ANKS1B: variants seen among roughly 807,000 people sequenced by gnomAD.
ANKS1B encodes ankyrin repeat and sterile alpha motif domain containing 1B.
ANKS1B carries 36 observed loss-of-function variants against 148.3 expected under a neutral mutation model. That is an observed-to-expected ratio of 0.24 (90% confidence interval 0.19 to 0.32). The LOEUF is 0.32. ANKS1B is among the 10% of genes least tolerant of loss of function. The probability of loss-of-function intolerance (pLI) is 1.00; values close to 1 mark genes in which losing one functional copy is unlikely to be tolerated. For missense variants in ANKS1B, 1,157 were observed against 1,542.6 expected, an observed-to-expected ratio of 0.75 and a Z score of 4.19; for synonymous variants, 542 against 560.8, an observed-to-expected ratio of 0.97 and a Z score of 0.47.
chr12:99,021,547 A>G (rs61933366), intron 17 of ANKS1B, among the ~76,000 whole-genome samples: 23,556 of 152,112 alleles, frequency 0.15, 2,072 homozygotes, highest in South Asian at 0.3. Context: ...ATGATACTGT[A>G]TAGGTGCAGT....
At chr12:99,369,747 A>AAGAAAGATAGATAGATAGATAGAT (rs1555404895) in intron 12 of ANKS1B, among the ~76,000 whole-genome samples, 1 of 143,294 alleles carries the variant, frequency 7.0e-6, no homozygotes, top group Non-Finnish European at 1.5e-5. Flanking sequence ...AATGGATAGA[A>AAGAAAGATAGATAGATAGATAGAT]AGATAGATAG....
intron 12 of ANKS1B, among the ~76,000 whole-genome samples, chr12:99,359,356 G>C (rs1358363303): frequency 6.6e-6 from 1 of 151,964 alleles, no homozygotes; most frequent in African/African-American, 2.4e-5. Context: ...TAAGTAGATA[G>C]TTTCATACTC....
intron 8 of ANKS1B, among the ~76,000 whole-genome samples, chr12:99,691,260 C>A (rs1014122870): frequency 1.3e-5 from 2 of 152,212 alleles, no homozygotes; most frequent in Non-Finnish European, 2.9e-5. Flanking sequence ...CTTCTATGAA[C>A]GTCTCTGATA....
intron 1 of ANKS1B, among the ~76,000 whole-genome samples, chr12:99,899,889 A>G (rs980122967): frequency 6.6e-6 from 1 of 151,286 alleles, no homozygotes; most frequent in Non-Finnish European, 1.5e-5. Flanking sequence ...AGTACTGTAA[A>G]AAGAATTGTG....
intron 14 of ANKS1B, among the ~76,000 whole-genome samples, chr12:99,208,238 C>T (rs1022833230): frequency 6.6e-6 from 1 of 151,990 alleles, no homozygotes; most frequent in Non-Finnish European, 1.5e-5. Context: ...AAGAGTTTTT[C>T]CTACAACTAG....
intron 10 of ANKS1B, among the ~76,000 whole-genome samples, chr12:99,476,548 A>C (rs1281969121): frequency 6.6e-6 from 1 of 152,208 alleles, no homozygotes. Flanking sequence ...GGCAATTTAT[A>C]TGAATAGCAA....
chr12:99,545,105 A>T (rs1359583347), intron 9 of ANKS1B, among the ~76,000 whole-genome samples: 1 of 152,168 alleles, frequency 6.6e-6, no homozygotes, highest in Non-Finnish European at 1.5e-5. Context: ...ATTGCACAGG[A>T]CATTTTAATT....
chr12:99,951,255 T>C (rs573841415), intron 1 of ANKS1B, among the ~76,000 whole-genome samples: 29 of 152,360 alleles, frequency 1.9e-4, no homozygotes, highest in African/African-American at 7.0e-4. Context: ...TTCTCATTTA[T>C]TGTGCTAGAT....
chr12:99,631,802 T>G (rs540611870), intron 9 of ANKS1B, among the ~76,000 whole-genome samples: 4 of 152,220 alleles, frequency 2.6e-5, no homozygotes, highest in African/African-American at 9.6e-5. Context: ...AAGAAAGAAT[T>G]TATAATCAAG....
rs77542913 is a variant in ANKS1B, at chr12:99,334,183, T to C, written c.1756+65448A>G. ...ACAGACAGACAGACAGACAGACAGATAGATAGATACATAGATACATAGATA... is the reference window on the plus strand; with the variant it reads ...ACAGACAGACAGACAGACAGACAGACAGATAGATACATAGATACATAGATA... On this transcript the variant is annotated intron_variant, in intron 12 of 26. Transcript: ENST00000683438. Among the ~76,000 whole-genome samples the C allele has an allele frequency of 5.7e-3, 826 of 144,314 alleles. 32 individuals are homozygous for C. In the East Asian group the frequency reaches 0.083, roughly 15 times the overall value. The allele number at this position is 144,314 out of a possible 152,430, so 94.7% of individuals were successfully genotyped here.
intron 16 of ANKS1B, among the ~76,000 whole-genome samples, chr12:99,053,698 C>G (rs890854534): frequency 6.6e-6 from 1 of 152,316 alleles, no homozygotes; most frequent in South Asian, 2.1e-4. Flanking sequence ...GATGATAATT[C>G]TCATATGCAC....
At chr12:99,248,729 T>G (rs1202804859) in intron 12 of ANKS1B, among the ~76,000 whole-genome samples, 1 of 152,206 alleles carries the variant, frequency 6.6e-6, no homozygotes, top group Non-Finnish European at 1.5e-5. Context: ...ACACAGACAT[T>G]TCCCCACCTA....
intron 1 of ANKS1B, among the ~76,000 whole-genome samples, chr12:99,962,906 C>T (rs12312061): frequency 8.6e-5 from 13 of 152,018 alleles, no homozygotes; most frequent in South Asian, 4.2e-4. Flanking sequence ...CTCCGCCTCC[C>T]GGGCTCACGC....
At chr12:99,125,322 G>C (rs1317698507) in intron 15 of ANKS1B, among the ~76,000 whole-genome samples, 1 of 152,086 alleles carries the variant, frequency 6.6e-6, no homozygotes, top group African/African-American at 2.4e-5. Context: ...AATAAAACAT[G>C]GTTCCCATTA....
At chr12:99,839,924 G>A (rs1340637893) in intron 1 of ANKS1B, among the ~76,000 whole-genome samples, 1 of 151,992 alleles carries the variant, frequency 6.6e-6, no homozygotes, top group Non-Finnish European at 1.5e-5. Flanking sequence ...CTGCTAGTTA[G>A]AACACTGTGT....
intron 15 of ANKS1B, among the ~76,000 whole-genome samples, chr12:99,127,180 C>G (rs1380377716): frequency 6.6e-6 from 1 of 152,104 alleles, no homozygotes; most frequent in South Asian, 2.1e-4. Context: ...TAAAATATCA[C>G]GTTGAATTTG....
chr12:99,899,763 C>G (rs1445126925), intron 1 of ANKS1B, among the ~76,000 whole-genome samples: 1 of 152,124 alleles, frequency 6.6e-6, no homozygotes, highest in Non-Finnish European at 1.5e-5. Flanking sequence ...ACAATATACA[C>G]TAAGTTAAAA....
At chr12:99,766,125 C>T (rs2062622804) in intron 8 of ANKS1B, among the ~76,000 whole-genome samples, 1 of 152,134 alleles carries the variant, frequency 6.6e-6, no homozygotes, top group Non-Finnish European at 1.5e-5. Context: ...GGTTCATTTG[C>T]AAGAACATAT....
chr12:99,415,746 A>T (rs999162626), intron 11 of ANKS1B, among the ~76,000 whole-genome samples: 4 of 148,676 alleles, frequency 2.7e-5, no homozygotes, highest in Admixed American at 2.0e-4. Flanking sequence ...TGTAGTGGTG[A>T]GATCTCGGCT....
Sources: allele counts gnomAD v4.1 joint callset (sites outside exome capture counted in the v4.1 genomes callset), GRCh38; gene constraint gnomAD v4.1.1; transcripts MANE v1.5; gene names NCBI Gene and HGNC (gene_info 2026-07-23, HGNC 2026-07-21).